Variants in DSCAM observed in about 807,000 individuals in gnomAD.
DSCAM encodes the protein DS cell adhesion molecule, also known as cell adhesion molecule DSCAM.
Under a neutral mutation model 217.7 loss-of-function variants are expected in DSCAM, and 47 were observed. The observed-to-expected ratio is 0.22, with a 90% CI of 0.17 to 0.28. The LOEUF is 0.28. Ranked by LOEUF, DSCAM falls within the 10% of genes least tolerant of loss-of-function variation. The probability of loss-of-function intolerance (pLI) is 1.00; values close to 1 mark genes in which losing one functional copy is unlikely to be tolerated. For missense variants in DSCAM, 2,080 were observed against 2,618.3 expected (o/e 0.79, Z 4.49); for synonymous variants, 1,056 against 1,015.3 (o/e 1.04, Z -0.76).
At chr21:40,689,850 C>G (rs1245082580) in intron 3 of DSCAM, among the ~76,000 whole-genome samples, 1 of 152,198 alleles carries the variant, frequency 6.6e-6, no homozygotes, top group African/African-American at 2.4e-5. Flanking sequence ...TTCAGGACAG[C>G]TTCCCTGAAG....
At chr21:40,041,642 A>G (rs2088752075) in intron 32 of DSCAM, among the ~76,000 whole-genome samples, 1 of 152,034 alleles carries the variant, frequency 6.6e-6, no homozygotes, top group South Asian at 2.1e-4. Context: ...TGCCTTGCTG[A>G]CCTCAAAATT....
In DSCAM at chr21:40,439,932, G is replaced by C. The variant is rs548198032; in HGVS notation, c.509-70687C>G. Among the ~76,000 whole-genome samples, 3 of 152,254 alleles carry C rather than the reference G, an allele frequency of 2.0e-5. No individual in the cohort carries two copies. The South Asian group carries it at 6.2e-4, about 32-fold the overall frequency. ...ACATGGGAATTCAAGATGAAATTTGGGTGTGAATATAGCCAAACCATATCA... is the reference window on the plus strand; with the variant it reads ...ACATGGGAATTCAAGATGAAATTTGCGTGTGAATATAGCCAAACCATATCA... On this transcript the variant is annotated intron_variant, in intron 3 of 32. Transcript: ENST00000400454.
At chr21:40,363,252 C>CTTTT (rs35756323) in intron 4 of DSCAM, among the ~76,000 whole-genome samples, 8 of 116,154 alleles carry the variant, frequency 6.9e-5, no homozygotes, top group African/African-American at 1.3e-4. Flanking sequence ...TTTTTGTGTT[C>CTTTT]TTTTTTTTTT....
At chr21:40,675,047 G>T (rs62226473) in intron 3 of DSCAM, among the ~76,000 whole-genome samples, 2 of 151,506 alleles carry the variant, frequency 1.3e-5, no homozygotes, top group Non-Finnish European at 1.5e-5. Flanking sequence ...GCGCACACAC[G>T]TACACACGAT....
At position 40,178,981 on chromosome 21, in the gene DSCAM, G is replaced by C. The variant is rs747965562; in HGVS notation, c.2893C>G (p.Arg965Gly). The C allele has an allele frequency of 6.2e-7, 1 of 1,614,050 alleles. No homozygotes were observed. The highest frequency in any genetic ancestry group is 1.1e-5 in the South Asian group (1 of 91,078). The part of the protein sequence containing the change: ...TYSIRMYAKN[R>G]IGKSEPSNEL... ...TTGCTGGGCTCGCTCTTGCCAATCC[G>C]GTTCTTGGCGTACATGCGGATGCTG... Residue 965 changes from arginine (R) to glycine (G), a missense_variant, in exon 15 of 33, where the codon CGG (arginine) becomes GGG (glycine). Around this residue, in one of 5 missense-constraint regions of DSCAM, gnomAD observed 1,144 missense variants for 1,421.1 expected, o/e 0.81. Transcript: ENST00000400454.
chr21:40,780,423 G>GTGTGTATATATATATA (rs1007015659), intron 1 of DSCAM, among the ~76,000 whole-genome samples: 603 of 56,308 alleles, frequency 0.011, 6 homozygotes, highest in Non-Finnish European at 0.015. Context: ...GTGTGTGTGT[G>GTGTGTATATATATATA]TATATATATA....
At chr21:40,699,340 A>G (rs1357457697) in intron 2 of DSCAM, among the ~76,000 whole-genome samples, 1 of 152,174 alleles carries the variant, frequency 6.6e-6, no homozygotes, top group Non-Finnish European at 1.5e-5. Flanking sequence ...AGACACAACA[A>G]TACTGAAATT....
chr21:40,579,142 C>T (rs2076882154), intron 3 of DSCAM, among the ~76,000 whole-genome samples: 1 of 151,970 alleles, frequency 6.6e-6, no homozygotes, highest in Admixed American at 6.6e-5. Flanking sequence ...AGACCACAGC[C>T]CACCACAGAA....
intron 19 of DSCAM, among the ~76,000 whole-genome samples, chr21:40,127,771 G>A (rs756108404): frequency 2.0e-4 from 30 of 152,154 alleles, no homozygotes; most frequent in Non-Finnish European, 2.9e-4. Flanking sequence ...TTCTCTTCCT[G>A]CTGTCACTTG....
At chr21:40,680,790 CA>C (rs1480624282) in intron 3 of DSCAM, among the ~76,000 whole-genome samples, 1 of 152,160 alleles carries the variant, frequency 6.6e-6, no homozygotes, top group Non-Finnish European at 1.5e-5. Flanking sequence ...TGCAACTTTG[CA>C]AATAGAATTT....
At chr21:40,759,651 CT>C (rs2091311145) in intron 1 of DSCAM, among the ~76,000 whole-genome samples, 1 of 152,094 alleles carries the variant, frequency 6.6e-6, no homozygotes, top group South Asian at 2.1e-4. Context: ...ATTGCTGGGG[CT>C]GGCCTCGGAG....
At chr21:40,296,020 T>C (rs1458667909) in intron 10 of DSCAM, 35 bp downstream of exon 10, 1 of 1,600,694 alleles carries the variant, frequency 6.2e-7, no homozygotes, top group East Asian at 2.2e-5. Context: ...TAGCAAATGT[T>C]TGACAGGTAA....
chr21:40,838,323 T>C (rs1049614034), intron 1 of DSCAM, among the ~76,000 whole-genome samples: 1 of 152,204 alleles, frequency 6.6e-6, no homozygotes, highest in African/African-American at 2.4e-5. Context: ...TGAAGTGGCA[T>C]GGATGGCTCT....
chr21:40,461,061 T>C (rs1204488273), intron 3 of DSCAM, among the ~76,000 whole-genome samples: 3 of 152,096 alleles, frequency 2.0e-5, no homozygotes, highest in Non-Finnish European at 4.4e-5. Context: ...TATTCATCAA[T>C]AAAGGCTAGC....
At chr21:40,826,401 G>C (rs2091969429) in intron 1 of DSCAM, among the ~76,000 whole-genome samples, 2 of 152,324 alleles carry the variant, frequency 1.3e-5, no homozygotes, top group African/African-American at 4.8e-5. Flanking sequence ...GGCCATGGAA[G>C]GGGTTTGAGG....
chr21:40,145,470 G>A (rs2090343608), intron 16 of DSCAM, among the ~76,000 whole-genome samples: 1 of 152,120 alleles, frequency 6.6e-6, no homozygotes, highest in East Asian at 1.9e-4. Context: ...ACTCCACCCT[G>A]CTGATGTGAA....
intron 11 of DSCAM, among the ~76,000 whole-genome samples, chr21:40,220,900 T>C (rs1186165486): frequency 6.6e-6 from 1 of 152,158 alleles, no homozygotes. Context: ...CTGCACAAGC[T>C]TACTTTTACA....
intron 1 of DSCAM, among the ~76,000 whole-genome samples, chr21:40,736,050 T>G (rs747213734): frequency 6.6e-6 from 1 of 152,198 alleles, no homozygotes; most frequent in Non-Finnish European, 1.5e-5. Flanking sequence ...CTTTCAGTTT[T>G]CATAATTTGC....
At chr21:40,702,831 T>C (rs561968711) in intron 2 of DSCAM, among the ~76,000 whole-genome samples, 2 of 152,150 alleles carry the variant, frequency 1.3e-5, no homozygotes, top group African/African-American at 4.8e-5. Context: ...CATTTGTAAC[T>C]TATCACCATC....
Sources: allele counts gnomAD v4.1 joint callset (sites outside exome capture counted in the v4.1 genomes callset), GRCh38; gene constraint gnomAD v4.1.1; regional missense constraint gnomAD v4.1.1; transcripts MANE v1.5; gene names NCBI Gene and HGNC (gene_info 2026-07-23, HGNC 2026-07-21).